Variants in MAGT1 observed in about 807,000 individuals in gnomAD.
The protein encoded by MAGT1 is dolichyl-diphosphooligosaccharide--protein glycosyltransferase subunit MAGT1.
Under a neutral mutation model 28.4 loss-of-function variants are expected in MAGT1, and 4 were observed. That is an observed-to-expected ratio of 0.14 (90% CI 0.07 to 0.32). The LOEUF (loss-of-function observed/expected upper bound fraction) is 0.32, where lower values mean the gene tolerates loss of function less well. MAGT1 is among the 10% of genes least tolerant of loss of function. The probability of loss-of-function intolerance (pLI) is 1.00; values close to 1 mark genes in which losing one functional copy is unlikely to be tolerated. For synonymous variants in MAGT1, 89 were observed against 89.7 expected (o/e 0.99, Z 0.04); for missense variants, 193 against 264.5 (o/e 0.73, Z 1.88).
intron 7 of MAGT1, among the ~76,000 whole-genome samples, chrX:77,852,656 A>G (rs900351615): frequency 8.1e-5 from 9 of 110,928 alleles, no homozygotes; most frequent in African/African-American, 2.9e-4. Context: ...CAGTGGTGTG[A>G]TATCAGCTCA....
chrX:77,888,615 G>A (rs1557219186), intron 1 of MAGT1, among the ~76,000 whole-genome samples: 1 of 111,349 alleles, frequency 9.0e-6, no homozygotes, highest in African/African-American at 3.3e-5. Context: ...TTGTCCTATT[G>A]TCACTATCAC....
intron 3 of MAGT1, among the ~76,000 whole-genome samples, chrX:77,860,911 C>T (rs1158905028): frequency 2.7e-5 from 3 of 111,042 alleles, no homozygotes; most frequent in African/African-American, 9.8e-5. Context: ...TGCAGTGGCT[C>T]ATGCCTGTAA....
intron 1 of MAGT1, among the ~76,000 whole-genome samples, chrX:77,886,945 G>A (rs187249112): frequency 1.1e-4 from 12 of 111,830 alleles, no homozygotes; most frequent in Admixed American, 1.9e-4. Flanking sequence ...AAACCAACCC[G>A]TGATCCTCCT....
At chrX:77,834,231 T>C (rs1371157939) in intron 8 of MAGT1, among the ~76,000 whole-genome samples, 1 of 86,653 alleles carries the variant, frequency 1.2e-5, no homozygotes, top group African/African-American at 3.7e-5. Context: ...TATATGCATA[T>C]ATGTATATAT....
chrX:77,859,685 G>A lies in MAGT1; in HGVS notation c.391-2188C>T, dbSNP rs1428771274. ...AGCTCGAGACCAGCTTGGCCAACAT[G>A]GTAAAACCCCATCTCTACTAAAAAT... is the stretch of plus-strand genomic sequence containing the variant. On this transcript the variant is annotated intron_variant, in intron 3 of 9. Transcript: ENST00000618282. Among the ~76,000 whole-genome samples the A allele has an allele frequency of 2.7e-5, 3 of 111,429 alleles. No individual in the cohort carries two copies. The East Asian group carries it at 8.5e-4, about 31-fold the overall frequency.
chrX:77,895,416 C>T lies in MAGT1; in HGVS notation c.-6G>A, dbSNP rs1557219830. The T allele has an allele frequency of 8.3e-7, 1 of 1,210,727 alleles. No homozygotes were observed. The highest frequency in any genetic ancestry group is 3.0e-5 in the East Asian group (1 of 33,807). Reference sequence around the variant, plus strand: ...AACCGCCAACGCGCTGCCATGTTCGCTCCTCTCCCTTCTATAAGTGAAACT... The same window carrying T: ...AACCGCCAACGCGCTGCCATGTTCGTTCCTCTCCCTTCTATAAGTGAAACT... On this transcript the variant is annotated 5_prime_UTR_variant, in exon 1 of 10. Coordinates refer to ENST00000618282, the MANE Select transcript of MAGT1 (RefSeq NM_001367916.1).
chrX:77,885,225 T>C (rs1212389304), intron 1 of MAGT1, among the ~76,000 whole-genome samples: 1 of 108,667 alleles, frequency 9.2e-6, no homozygotes, highest in African/African-American at 3.4e-5. Context: ...CCACCATGCC[T>C]AGCTAATTTT....
intron 3 of MAGT1, among the ~76,000 whole-genome samples, chrX:77,860,788 C>A (rs1461430970): frequency 2.7e-5 from 3 of 111,423 alleles, no homozygotes; most frequent in African/African-American, 9.8e-5. Context: ...TCTCAAGAAA[C>A]AAACAAACAA....
chrX:77,838,949 T>A (rs984397852), intron 8 of MAGT1, among the ~76,000 whole-genome samples: 7 of 110,236 alleles, frequency 6.4e-5, no homozygotes, highest in Non-Finnish European at 1.1e-4. Context: ...CCTTATCTGA[T>A]TGGCAAATAT....
intron 2 of MAGT1, among the ~76,000 whole-genome samples, 185 bp from the exon 3 acceptor site, chrX:77,871,110 G>C (rs2077019421): frequency 8.9e-6 from 1 of 112,066 alleles, no homozygotes; most frequent in African/African-American, 3.2e-5. Flanking sequence ...TTTGGCATAA[G>C]AGAAGCCTTA....
intron 7 of MAGT1, among the ~76,000 whole-genome samples, chrX:77,843,583 C>G (rs1384626369): frequency 7.2e-5 from 8 of 111,529 alleles, no homozygotes; most frequent in Admixed American, 6.7e-4. Context: ...GGATGATGCC[C>G]ATTCATCATG....
At chrX:77,848,182 T>C (rs1196610325) in intron 7 of MAGT1, among the ~76,000 whole-genome samples, 3 of 112,253 alleles carry the variant, frequency 2.7e-5, no homozygotes, top group Non-Finnish European at 3.8e-5. Flanking sequence ...CTATAAACTG[T>C]TGGAAATAAA....
At position 77,875,461 on chromosome X, in the gene MAGT1, G is replaced by A; in HGVS notation, c.239C>T (p.Ala80Val). The A allele has an allele frequency of 8.3e-7, 1 of 1,210,001 alleles. No individual in the cohort carries two copies. ...RNYSVIVMFT[A>V]LQLHRQCVVC... is the part of the protein sequence containing the mutation. Reference sequence around the variant, plus strand: ...GACACACTGTCTATGCAGTTGGAGAGCAGTGAACATGACGATAACGGAGTA... The same window carrying A: ...GACACACTGTCTATGCAGTTGGAGAACAGTGAACATGACGATAACGGAGTA... Residue 80 changes from alanine (A) to valine (V), a missense_variant, in exon 2 of 10, where the codon GCT (alanine) becomes GTT (valine). Transcript: ENST00000618282.
At chrX:77,854,705 C>A (rs1045203759) in intron 6 of MAGT1, among the ~76,000 whole-genome samples, 1 of 108,517 alleles carries the variant, frequency 9.2e-6, no homozygotes, top group African/African-American at 3.4e-5. Context: ...GGCTAGAACT[C>A]CTGGATTCAA....
intron 7 of MAGT1, among the ~76,000 whole-genome samples, chrX:77,850,149 T>C (rs1338934873): frequency 3.6e-5 from 4 of 110,659 alleles, no homozygotes; most frequent in Non-Finnish European, 7.5e-5. Context: ...CTGTAAACAA[T>C]GTTACCGGTC....
intron 3 of MAGT1, among the ~76,000 whole-genome samples, chrX:77,861,127 C>T (rs1487604555): frequency 1.8e-5 from 2 of 108,506 alleles, no homozygotes; most frequent in Non-Finnish European, 3.8e-5. Flanking sequence ...TGTGGTGAGC[C>T]GAGATCGTGC....
chrX:77,893,166 T>C (rs1367852586), intron 1 of MAGT1, among the ~76,000 whole-genome samples: 1 of 111,783 alleles, frequency 8.9e-6, no homozygotes, highest in African/African-American at 3.3e-5. Context: ...AATACATACA[T>C]ACCTACAATG....
chrX:77,850,461 G>A (rs1311985242), intron 7 of MAGT1, among the ~76,000 whole-genome samples: 2 of 71,286 alleles, frequency 2.8e-5, no homozygotes, highest in Non-Finnish European at 4.9e-5. Flanking sequence ...GGGTGACAGA[G>A]CGAGACTCCA....
upstream of MAGT1, chrX:77,895,444 G>C: frequency 8.3e-7 from 1 of 1,202,883 alleles, no homozygotes; most frequent in Non-Finnish European, 1.1e-6. Flanking sequence ...GTGAAACTTT[G>C]CTCCGGCTAG....
Sources: gnomAD v4.1 joint callset for allele counts (sites outside exome capture counted in the v4.1 genomes callset) on GRCh38, gnomAD v4.1.1 for gene constraint, MANE v1.5 for transcripts, NCBI Gene and HGNC (gene_info 2026-07-23, HGNC 2026-07-21) for gene names.